CIMIP7: variants seen among roughly 807,000 people sequenced by gnomAD.
CIMIP7 encodes ciliary microtubule inner protein 7, also known as uncharacterized protein C3orf84.
At chr3:49,191,612 AG>A in the CIMIP7 span, 1 of 941,188 alleles carries the variant, frequency 1.1e-6, no homozygotes, top group South Asian at 1.3e-5. Context: ...GTGGAGAGGA[AG>A]TGGGCGGCTC....
chr3:49,178,961 T>C, the CIMIP7 span, among the ~76,000 whole-genome samples: 1 of 152,172 alleles, frequency 6.6e-6, no homozygotes, highest in Non-Finnish European at 1.5e-5. Flanking sequence ...AACTGGAATT[T>C]CTATCTCCAG....
chr3:49,191,204 G>A, the CIMIP7 span, among the ~76,000 whole-genome samples: 1 of 152,112 alleles, frequency 6.6e-6, no homozygotes, highest in Non-Finnish European at 1.5e-5. Context: ...CTGCCCTCTG[G>A]CCATCACAAT....
the CIMIP7 span, chr3:49,177,640 CT>C: frequency 1.3e-6 from 2 of 1,573,954 alleles, no homozygotes; most frequent in East Asian, 4.5e-5. Context: ...GCTGTGTCAG[CT>C]GTCCTTGTTT....
chr3:49,184,453 C>G, the CIMIP7 span, among the ~76,000 whole-genome samples: 1 of 152,130 alleles, frequency 6.6e-6, no homozygotes, highest in Non-Finnish European at 1.5e-5. Context: ...TCCCAAGTAG[C>G]TGGGATTACA....
chr3:49,180,996 G>A, the CIMIP7 span, among the ~76,000 whole-genome samples: 2 of 149,742 alleles, frequency 1.3e-5, no homozygotes, highest in African/African-American at 2.5e-5. Context: ...TCTGATGGTA[G>A]TCTTCAAGCA....
the CIMIP7 span, among the ~76,000 whole-genome samples, chr3:49,181,854 C>T: frequency 1.3e-5 from 2 of 152,144 alleles, no homozygotes. Context: ...AGCCGCGGAC[C>T]CTCGCGGTGA....
chr3:49,189,978 C>G, the CIMIP7 span: 1 of 1,419,406 alleles, frequency 7.0e-7, no homozygotes, highest in Middle Eastern at 1.8e-4. Context: ...CTGGGAGAGG[C>G]AAGAACTGGT....
chr3:49,178,015 T>C, the CIMIP7 span: 1 of 1,608,928 alleles, frequency 6.2e-7, no homozygotes, highest in Non-Finnish European at 8.5e-7. Context: ...CTCCAGGTCC[T>C]TCCGCCTTCC....
At chr3:49,187,825 AC>A in the CIMIP7 span, among the ~76,000 whole-genome samples, 1 of 152,206 alleles carries the variant, frequency 6.6e-6, no homozygotes, top group Non-Finnish European at 1.5e-5. Context: ...ACAGCTTTAG[AC>A]CTAGAAAGAA....
At chr3:49,180,039 G>A in the CIMIP7 span, among the ~76,000 whole-genome samples, 5 of 152,188 alleles carry the variant, frequency 3.3e-5, no homozygotes, top group Admixed American at 6.5e-5. Flanking sequence ...TTGGGAGGCC[G>A]AGGCGGACAG....
At chr3:49,189,969 T>C in the CIMIP7 span, 2 of 1,313,192 alleles carry the variant, frequency 1.5e-6, no homozygotes, top group Non-Finnish European at 2.2e-6. Flanking sequence ...TTTTGGGTTC[T>C]GGGAGAGGCA....
the CIMIP7 span, among the ~76,000 whole-genome samples, chr3:49,189,605 C>T: frequency 1.3e-5 from 2 of 152,212 alleles, no homozygotes; most frequent in Non-Finnish European, 2.9e-5. Context: ...TCCTGTACTA[C>T]TTCCCTGACC....
At chr3:49,180,937 A>G in the CIMIP7 span, among the ~76,000 whole-genome samples, 1 of 150,932 alleles carries the variant, frequency 6.6e-6, no homozygotes, top group Non-Finnish European at 1.5e-5. Context: ...CTCAAAAAAA[A>G]AAAAAAAAAA....
the CIMIP7 span, among the ~76,000 whole-genome samples, chr3:49,186,411 T>TC: frequency 7.1e-6 from 1 of 141,488 alleles, no homozygotes; most frequent in African/African-American, 2.7e-5. Context: ...CTAATTTTTT[T>TC]TTTTTTTTTG....
the CIMIP7 span, among the ~76,000 whole-genome samples, chr3:49,190,663 A>ATTTTT: frequency 1.8e-4 from 18 of 99,968 alleles, 1 homozygote; most frequent in African/African-American, 6.5e-4. Flanking sequence ...GCCAGGCTGA[A>ATTTTT]TTTTTTTTTT....
the CIMIP7 span, chr3:49,189,921 T>A: frequency 1.2e-6 from 1 of 832,324 alleles, no homozygotes; most frequent in Admixed American, 1.7e-5. Flanking sequence ...GTCCCAGGGA[T>A]AGGTGTCAGT....
At chr3:49,181,308 C>T in the CIMIP7 span, among the ~76,000 whole-genome samples, 1 of 149,360 alleles carries the variant, frequency 6.7e-6, no homozygotes, top group African/African-American at 2.5e-5. Flanking sequence ...CACCACTGCA[C>T]TCCAGCCTTG....
chr3:49,178,799 G>C, the CIMIP7 span, among the ~76,000 whole-genome samples: 5 of 152,136 alleles, frequency 3.3e-5, no homozygotes, highest in Non-Finnish European at 1.5e-5. Flanking sequence ...GGAGGCATCT[G>C]CTAGAACATC....
chr3:49,184,219 G>T, the CIMIP7 span, among the ~76,000 whole-genome samples: 4 of 152,200 alleles, frequency 2.6e-5, no homozygotes, highest in Non-Finnish European at 5.9e-5. Context: ...GGCTGATCTT[G>T]AACTCTTGGG....
Sources: gnomAD v4.1 joint callset for allele counts (sites outside exome capture counted in the v4.1 genomes callset) on GRCh38, gnomAD v4.1.1 for gene constraint, MANE v1.5 for transcripts, NCBI Gene and HGNC (gene_info 2026-07-23, HGNC 2026-07-21) for gene names.